Variants in TRHR observed in about 807,000 individuals in gnomAD.
The protein encoded by TRHR is thyrotropin-releasing hormone receptor.
Under a neutral mutation model 28.0 loss-of-function variants are expected in TRHR, and 14 were observed. The ratio of observed to expected loss-of-function variants is 0.50; its 90% CI spans 0.33 to 0.78. The LOEUF is 0.78. TRHR is among the 30% of genes least tolerant of loss of function. TRHR has a pLI of 0.02. For missense variants in TRHR, 438 were observed against 469.5 expected, an observed-to-expected ratio of 0.93 and a Z score of 0.62; for synonymous variants, 176 against 171.9, an observed-to-expected ratio of 1.02 and a Z score of -0.18.
rs540815565 is a variant in TRHR at position 109,111,904 on chromosome 8, T to C, written c.790-7144T>C. 9.2e-5 allele frequency among the ~76,000 whole-genome samples: 14 copies of C among 152,304 alleles called. No homozygotes were observed. In the South Asian group the frequency reaches 1.5e-3, roughly 16 times the overall value. Reference sequence around the variant, plus strand: ...TATCTGCTTATAATGCTCTTGAAAATCACTCATTATAAAAGAGGTAGTCTT... The same window carrying C: ...TATCTGCTTATAATGCTCTTGAAAACCACTCATTATAAAAGAGGTAGTCTT... On this transcript the variant is annotated intron_variant, in intron 2 of 2. Transcript: ENST00000518632.
chr8:109,120,900 G>A lies in TRHR; in HGVS notation c.*1445G>A, dbSNP rs867867374. Among the ~76,000 whole-genome samples the A allele has an allele frequency of 9.9e-5, 15 of 151,494 alleles. No homozygotes were observed. Among genetic ancestry groups the A allele is most frequent in the Admixed American group, 4.0e-4 (6 of 15,154 alleles). ...AAAGTACCCATACCTTTACATGCCC[G>A]TAGGCTGTCATTTTCCCTCTCCAGC... On this transcript the variant is annotated 3_prime_UTR_variant, in exon 3 of 3. Coordinates refer to ENST00000518632, the MANE Select transcript of TRHR (RefSeq NM_003301.7).
intron 2 of TRHR, among the ~76,000 whole-genome samples, chr8:109,098,036 G>T (rs1039435282): frequency 6.6e-6 from 1 of 151,994 alleles, no homozygotes; most frequent in Non-Finnish European, 1.5e-5. Context: ...CGCAGTTCCA[G>T]TTCCACTGTG....
intron 2 of TRHR, among the ~76,000 whole-genome samples, chr8:109,116,804 G>A (rs368031852): frequency 9.2e-5 from 14 of 152,072 alleles, no homozygotes; most frequent in African/African-American, 3.1e-4. Flanking sequence ...AAATCCCTGA[G>A]AGTAGGGAAA....
In TRHR at chr8:109,088,351, T is replaced by C. The variant is rs763907391; in HGVS notation, c.789+50T>C. 17 of 1,592,520 alleles carry C rather than the reference T, an allele frequency of 1.1e-5. No individual in the cohort carries two copies. The Admixed American group carries it at 2.9e-4, about 27-fold the overall frequency. On this transcript the variant is annotated intron_variant, in intron 2 of 2. Transcript: ENST00000518632. ...CAATAGAGGAAATGTGGGATAGAGT[T>C]CCTTGGAGATGGGAAACAACTTTTC...
At chr8:109,088,417 A>C in intron 2 of TRHR, 116 bp downstream of exon 2, 1 of 1,093,476 alleles carries the variant, frequency 9.1e-7, no homozygotes, top group Non-Finnish European at 1.3e-6. Context: ...AATCATGCAA[A>C]TGTTTCACAG....
intron 2 of TRHR, among the ~76,000 whole-genome samples, chr8:109,099,614 A>G (rs760806990): frequency 2.6e-5 from 4 of 152,226 alleles, no homozygotes; most frequent in Non-Finnish European, 5.9e-5. Flanking sequence ...TTTAAAGCTA[A>G]TTTAGCTCTG....
intron 2 of TRHR, among the ~76,000 whole-genome samples, chr8:109,109,451 A>T (rs1387463163): frequency 6.6e-6 from 1 of 152,130 alleles, no homozygotes; most frequent in Non-Finnish European, 1.5e-5. Flanking sequence ...ATAAAAAAAA[A>T]AAAGTAGGGC....
chr8:109,109,424 C>T (rs1052965855), intron 2 of TRHR, among the ~76,000 whole-genome samples: 4 of 151,230 alleles, frequency 2.6e-5, no homozygotes, highest in Non-Finnish European at 4.4e-5. Flanking sequence ...AAAGTAGGGC[C>T]GTTAAGGTTA....
chr8:109,116,722 TA>T (rs1195213815), intron 2 of TRHR, among the ~76,000 whole-genome samples: 1 of 152,028 alleles, frequency 6.6e-6, no homozygotes, highest in Non-Finnish European at 1.5e-5. Flanking sequence ...TTACATATTT[TA>T]AAATAATTCC....
intron 2 of TRHR, among the ~76,000 whole-genome samples, chr8:109,109,658 T>C (rs1437138351): frequency 2.0e-5 from 3 of 152,168 alleles, no homozygotes; most frequent in Non-Finnish European, 4.4e-5. Flanking sequence ...TAGACTGTCA[T>C]TGATTCTCAG....
chr8:109,093,603 A>G (rs889033514), intron 2 of TRHR, among the ~76,000 whole-genome samples: 2 of 151,280 alleles, frequency 1.3e-5, no homozygotes, highest in African/African-American at 4.9e-5. Flanking sequence ...ACGGGGTTTC[A>G]CCACGTTGGC....
rs1303686792 is a variant in TRHR at position 109,119,327 on chromosome 8, A to G, written c.1069A>G (p.Ile357Val). Residue 357 changes from isoleucine (I) to valine (V), a missense_variant, in exon 3 of 3, where the codon ATC becomes GTC. Coordinates refer to ENST00000518632, the MANE Select transcript of TRHR (RefSeq NM_003301.7). ...CAGTGTGGCCCTAAATTACAGCGTC[A>G]TCAAGGAGTCAGACCATTTCAGCAC... ...NYSVALNYSV[I>V]KESDHFSTEL... The G allele has an allele frequency of 2.5e-6, 4 of 1,612,442 alleles. No homozygotes were observed. The African/African-American group carries it at 4.0e-5, about 16-fold the overall frequency.
At chr8:109,089,695 T>C (rs74922519) in intron 2 of TRHR, among the ~76,000 whole-genome samples, 4,301 of 152,268 alleles carry the variant, frequency 0.028, 103 homozygotes, top group South Asian at 0.14. Flanking sequence ...AGCCATTTAT[T>C]ACCCAAAACT....
intron 2 of TRHR, among the ~76,000 whole-genome samples, chr8:109,102,644 T>C (rs368989249): frequency 4.2e-4 from 64 of 152,144 alleles, no homozygotes; most frequent in African/African-American, 1.5e-3. Flanking sequence ...TTCAGTGAAG[T>C]AGAATGGAAA....
Position 109,095,070 on chromosome 8 carries a change from G to A in TRHR, c.789+6769G>A, listed in dbSNP as rs191359506. Reference sequence around the variant, plus strand: ...AATGCTCGAGCTGGGTCAGTGTTAAGCAAAATTTTGCAGTAGGTCATTCTT... The same window carrying A: ...AATGCTCGAGCTGGGTCAGTGTTAAACAAAATTTTGCAGTAGGTCATTCTT... On this transcript the variant is annotated intron_variant, in intron 2 of 2. Transcript: ENST00000518632. Among the ~76,000 whole-genome samples the A allele has an allele frequency of 1.8e-4, 27 of 151,878 alleles. No individual in the cohort carries two copies. In the East Asian group the frequency reaches 4.3e-3, roughly 24 times the overall value.
rs1811991029 is a variant in TRHR at position 109,120,432 on chromosome 8, TTA to T, written c.*979_*980del. On this transcript the variant is annotated 3_prime_UTR_variant, in exon 3 of 3. Transcript: ENST00000518632. The stretch of plus-strand genomic sequence containing the variant: ...TGAAACATTCTTAAAAGCTTTGTTG[TTA>T]TTCTAAGTCAGCCAAAATCCTGGTA... 6.6e-6 allele frequency among the ~76,000 whole-genome samples: 1 copy of T among 151,824 alleles called. No individual in the cohort carries two copies. The highest frequency in any genetic ancestry group is 1.5e-5 in the Non-Finnish European group (1 of 67,848).
chr8:109,114,778 G>T (rs577652661), intron 2 of TRHR, among the ~76,000 whole-genome samples: 1 of 151,874 alleles, frequency 6.6e-6, no homozygotes, highest in Non-Finnish European at 1.5e-5. Context: ...TTATATCAAG[G>T]GTTCTCTTAG....
intron 2 of TRHR, among the ~76,000 whole-genome samples, chr8:109,093,400 CTTTTT>C (rs34645119): frequency 5.2e-5 from 4 of 77,396 alleles, no homozygotes; most frequent in African/African-American, 1.1e-4. Flanking sequence ...GTGCTATTTA[CTTTTT>C]TTTTTTTTTT....
chr8:109,087,491 G>A lies in TRHR; in HGVS notation c.-22G>A, dbSNP rs765164694. ...GATGTTTTGAGAAGTCAGTGTTTCCGAGAAACTTTAAGCTTCTAAAGATGG... is the reference window on the plus strand; with the variant it reads ...GATGTTTTGAGAAGTCAGTGTTTCCAAGAAACTTTAAGCTTCTAAAGATGG... On this transcript the variant is annotated 5_prime_UTR_variant, in exon 2 of 3. Coordinates refer to ENST00000518632, the MANE Select transcript of TRHR (RefSeq NM_003301.7). The A allele has an allele frequency of 9.3e-6, 15 of 1,613,648 alleles. No homozygotes were observed. Among genetic ancestry groups the A allele is most frequent in the South Asian group, 4.4e-5 (4 of 91,060 alleles).
Sources: gnomAD v4.1 joint callset for allele counts (sites outside exome capture counted in the v4.1 genomes callset) on GRCh38, gnomAD v4.1.1 for gene constraint, MANE v1.5 for transcripts, NCBI Gene and HGNC (gene_info 2026-07-23, HGNC 2026-07-21) for gene names.